Variants in COMMD10 observed in about 807,000 individuals in gnomAD.
COMMD10 encodes the protein COMM domain-containing protein 10.
In COMMD10, 33 loss-of-function variants were observed where a neutral mutation model predicts 28.9. The ratio of observed to expected loss-of-function variants is 1.14; its 90% CI spans 0.87 to 1.53. COMMD10 has a LOEUF of 1.53. Ranked by LOEUF, COMMD10 falls within the 40% of genes most tolerant of loss-of-function variation. The pLI, the probability that COMMD10 is intolerant of heterozygous loss-of-function variation, is 0.00. For missense variants in COMMD10, 310 were observed against 233.4 expected (o/e 1.33, Z -2.14); for synonymous variants, 110 against 81.7 (o/e 1.35, Z -1.87).
chr5:116,140,116 A>G (rs538440891), intron 5 of COMMD10, among the ~76,000 whole-genome samples: 1 of 151,690 alleles, frequency 6.6e-6, no homozygotes, highest in Admixed American at 6.6e-5. Flanking sequence ...AAGTGAGATC[A>G]TGCAGTATTT....
At chr5:116,150,337 C>A (rs887704087) in intron 5 of COMMD10, among the ~76,000 whole-genome samples, 20 of 151,950 alleles carry the variant, frequency 1.3e-4, no homozygotes, top group Non-Finnish European at 5.9e-5. Flanking sequence ...CTTGGCAATG[C>A]GGGCTCTTTT....
At chr5:116,143,895 A>T (rs76868566) in intron 5 of COMMD10, among the ~76,000 whole-genome samples, 1,803 of 151,832 alleles carry the variant, frequency 0.012, 35 homozygotes, top group African/African-American at 0.04. Context: ...CAGGAAATAC[A>T]TATGTTAAGC....
intron 5 of COMMD10, among the ~76,000 whole-genome samples, chr5:116,150,674 A>G (rs1266117586): frequency 1.4e-5 from 2 of 143,106 alleles, no homozygotes; most frequent in Non-Finnish European, 3.0e-5. Flanking sequence ...TTATTGGTGT[A>G]TAAGAATGCT....
intron 5 of COMMD10, among the ~76,000 whole-genome samples, chr5:116,208,391 C>A (rs140036369): frequency 1.0e-3 from 159 of 152,238 alleles, no homozygotes; most frequent in African/African-American, 3.6e-3. Flanking sequence ...ATTTAACATC[C>A]CCTGTCTAGC....
chr5:116,240,006 A>G (rs1183639590), intron 5 of COMMD10, among the ~76,000 whole-genome samples: 2 of 152,186 alleles, frequency 1.3e-5, no homozygotes, highest in Non-Finnish European at 2.9e-5. Context: ...TTGAGGTGTC[A>G]TAAGATAACG....
intron 4 of COMMD10, among the ~76,000 whole-genome samples, chr5:116,108,667 G>A (rs1750928673): frequency 6.6e-6 from 1 of 152,140 alleles, no homozygotes; most frequent in South Asian, 2.1e-4. Context: ...TTGCTCCCTG[G>A]CTTCAGCCCC....
chr5:116,217,922 AAAAGT>A (rs1220158741), intron 5 of COMMD10: 2 of 697,604 alleles, frequency 2.9e-6, no homozygotes, highest in South Asian at 1.6e-5. Flanking sequence ...CTCAAAAAAA[AAAAGT>A]AAAACAAAAT....
intron 5 of COMMD10, among the ~76,000 whole-genome samples, chr5:116,225,344 T>G (rs942095986): frequency 3.9e-5 from 5 of 129,576 alleles, no homozygotes; most frequent in African/African-American, 1.4e-4. Flanking sequence ...TCCTGTTTGT[T>G]TTTTTGGGGA....
chr5:116,239,836 C>G (rs1749767886), intron 5 of COMMD10, among the ~76,000 whole-genome samples: 1 of 152,122 alleles, frequency 6.6e-6, no homozygotes, highest in Non-Finnish European at 1.5e-5. Flanking sequence ...GAGGACTGCT[C>G]CAGGTTTGCT....
At chr5:116,091,460 A>C (rs1176693151) in intron 3 of COMMD10, among the ~76,000 whole-genome samples, 20 of 152,188 alleles carry the variant, frequency 1.3e-4, no homozygotes. Flanking sequence ...TTTACTTAAG[A>C]TATTAAATGA....
At chr5:116,098,961 G>A (rs1750558057) in intron 4 of COMMD10, among the ~76,000 whole-genome samples, 1 of 152,198 alleles carries the variant, frequency 6.6e-6, no homozygotes, top group African/African-American at 2.4e-5. Context: ...CACCTTTTAT[G>A]TGTGGGTGAG....
intron 5 of COMMD10, among the ~76,000 whole-genome samples, chr5:116,198,219 G>A (rs773327537): frequency 3.9e-5 from 6 of 151,954 alleles, no homozygotes; most frequent in African/African-American, 7.2e-5. Flanking sequence ...CTTTTTGTAT[G>A]CCTTTTATAG....
intron 5 of COMMD10, among the ~76,000 whole-genome samples, chr5:116,280,213 C>T (rs1751036334): frequency 6.6e-6 from 1 of 151,846 alleles, no homozygotes; most frequent in Non-Finnish European, 1.5e-5. Context: ...AACTTGCATA[C>T]ATAGGTGTAC....
chr5:116,191,782 C>G (rs190591798), intron 5 of COMMD10, among the ~76,000 whole-genome samples: 251 of 152,120 alleles, frequency 1.7e-3, no homozygotes, highest in African/African-American at 5.4e-3. Context: ...CCTCTCTGCA[C>G]TACTACAGCT....
intron 5 of COMMD10, among the ~76,000 whole-genome samples, chr5:116,289,557 G>A (rs557982328): frequency 1.4e-4 from 22 of 151,828 alleles, no homozygotes; most frequent in Non-Finnish European, 2.5e-4. Flanking sequence ...GCGTGTGAGT[G>A]CCCTTCTTTA....
intron 5 of COMMD10, among the ~76,000 whole-genome samples, chr5:116,195,053 A>C (rs1462778633): frequency 1.3e-5 from 2 of 152,212 alleles, no homozygotes; most frequent in Non-Finnish European, 2.9e-5. Context: ...AAAGAGAATT[A>C]AAAACAAAAA....
intron 5 of COMMD10, among the ~76,000 whole-genome samples, chr5:116,152,522 A>T (rs1752564544): frequency 6.6e-6 from 1 of 152,122 alleles, no homozygotes; most frequent in South Asian, 2.1e-4. Flanking sequence ...TATAGGACTC[A>T]AAAGTCTACA....
chr5:116,158,078 T>C (rs1425191160), intron 5 of COMMD10, among the ~76,000 whole-genome samples: 1 of 151,416 alleles, frequency 6.6e-6, no homozygotes, highest in Non-Finnish European at 1.5e-5. Flanking sequence ...TTGTTAACTC[T>C]CCAAGGCCTT....
chr5:116,289,977 A>G (rs568118500), intron 5 of COMMD10, among the ~76,000 whole-genome samples: 83 of 152,014 alleles, frequency 5.5e-4, no homozygotes, highest in Middle Eastern at 3.4e-3. Flanking sequence ...TCTTTCCTCA[A>G]TGTAACATTT....
Sources: allele counts gnomAD v4.1 joint callset (sites outside exome capture counted in the v4.1 genomes callset), GRCh38; gene constraint gnomAD v4.1.1; transcripts MANE v1.5; gene names NCBI Gene and HGNC (gene_info 2026-07-23, HGNC 2026-07-21).